The following GINS2 variants were observed in gnomAD, a reference collection of about 807,000 sequenced individuals.
GINS2 encodes DNA replication complex GINS protein PSF2.
GINS2 carries 23 observed loss-of-function variants against 21.2 expected under a neutral mutation model. That is an observed-to-expected ratio of 1.08 (90% CI 0.78 to 1.53). The LOEUF is 1.53. GINS2 is among the 40% of genes most tolerant of loss of function. The probability of loss-of-function intolerance (pLI) is 0.00; values close to 1 mark genes in which losing one functional copy is unlikely to be tolerated. For synonymous variants in GINS2, 118 were observed against 85.6 expected, an observed-to-expected ratio of 1.38 and a Z score of -2.09; for missense variants, 323 against 233.9, an observed-to-expected ratio of 1.38 and a Z score of -2.49.
chr16:85,681,946 G>C (rs970198552), intron 2 of GINS2, among the ~76,000 whole-genome samples: 7 of 147,904 alleles, frequency 4.7e-5, no homozygotes, highest in Admixed American at 2.7e-4. Flanking sequence ...AGAGTCAAAA[G>C]TTTGATGTTT....
intron 2 of GINS2, among the ~76,000 whole-genome samples, chr16:85,686,093 CTTTGA>C (rs1209364257): frequency 3.9e-5 from 6 of 152,094 alleles, no homozygotes; most frequent in East Asian, 3.8e-4. Flanking sequence ...CTGTCTGCAT[CTTTGA>C]TTTGTTTCAG....
Position 85,688,923 on chromosome 16 carries a change from C to T in GINS2, c.-25G>A, listed in dbSNP as rs1384517100. On this transcript the variant is annotated 5_prime_UTR_variant, in exon 1 of 5. Transcript: ENST00000253462. ...TGGCGGCGCGAGCTGCAGGCCAGAG[C>T]CTCACGGTCTCCTCGGGCCCCTCAG... is the stretch of plus-strand genomic sequence containing the variant. 6 of 1,504,908 alleles carry T rather than the reference C, an allele frequency of 4.0e-6. No homozygotes were observed. The highest frequency in any genetic ancestry group is 5.4e-6 in the Non-Finnish European group (6 of 1,114,006). 93.2% of individuals were successfully genotyped at this position (1,504,908 alleles called of 1,614,324 possible). A position where few individuals can be genotyped will look rare whatever the true frequency, so the allele number is the denominator to read the frequency against.
rs117581232 is a variant in GINS2 at position 85,682,274 on chromosome 16, C to G, written c.206-593G>C. Among the ~76,000 whole-genome samples the G allele has an allele frequency of 1.1e-3, 163 of 152,184 alleles. 2 individuals carry two copies. The East Asian group carries it at 0.017, about 16-fold the overall frequency. Reference sequence around the variant, plus strand: ...AAGTGATCGCCCTGCCTCAGCTTCTCGAAGTGCTGGGATTATAGGAGTGAG... The same window carrying G: ...AAGTGATCGCCCTGCCTCAGCTTCTGGAAGTGCTGGGATTATAGGAGTGAG... On this transcript the variant is annotated intron_variant, in intron 2 of 4. Coordinates refer to ENST00000253462, the MANE Select transcript of GINS2 (RefSeq NM_016095.3).
rs1036477013 is a variant in GINS2 at position 85,677,108 on chromosome 16, T to G, written c.*1104A>C. The G allele has an allele frequency of 3.3e-5, 5 of 152,064 alleles. No individual in the cohort carries two copies. Among genetic ancestry groups the G allele is most frequent in the African/African-American group, 1.2e-4 (5 of 41,396 alleles). The allele number at this position is 152,064 out of a possible 1,614,324, so 9.4% of individuals were successfully genotyped here. A position where few individuals can be genotyped will look rare whatever the true frequency, so the allele number is the denominator to read the frequency against. On this transcript the variant is annotated 3_prime_UTR_variant, in exon 5 of 5. Coordinates refer to ENST00000253462, the MANE Select transcript of GINS2 (RefSeq NM_016095.3). Reference sequence around the variant, plus strand: ...GGATAGTCTCAATCTCCTGGCCTTGTGATCCACCTGCCTTGGCCTCCCAAA... The same window carrying G: ...GGATAGTCTCAATCTCCTGGCCTTGGGATCCACCTGCCTTGGCCTCCCAAA...
rs375105940 is a variant in GINS2 at position 85,678,606 on chromosome 16, G to T, written c.366C>A (p.Asp122Glu). Residue 122 changes from aspartate to glutamate, a missense_variant, in exon 4 of 5, where the codon GAC (aspartate) becomes GAA (glutamate). Transcript: ENST00000253462. ...EIRTLVKDMWDTRIAKLRVSA... is the reference protein window; with the variant it reads ...EIRTLVKDMWETRIAKLRVSA... The stretch of plus-strand genomic sequence containing the variant: ...ACACTCGGAGTTTGGCTATACGAGT[G>T]TCCCACATATCCTTGACCAGGGTCC... 1 of 1,613,904 alleles carries T rather than the reference G, an allele frequency of 6.2e-7. No homozygotes were observed. Among genetic ancestry groups the T allele is most frequent in the Non-Finnish European group, 8.5e-7 (1 of 1,179,884 alleles).
intron 2 of GINS2, among the ~76,000 whole-genome samples, chr16:85,682,661 G>A (rs576978106): frequency 1.3e-5 from 2 of 152,100 alleles, no homozygotes; most frequent in African/African-American, 4.8e-5. Flanking sequence ...ATCCTAGAGG[G>A]GTGAAAGCCC....
chr16:85,677,931 G>T lies in GINS2; in HGVS notation c.*281C>A. 3.0e-6 allele frequency: 1 copy of T among 332,166 alleles called. No homozygotes were observed. Among genetic ancestry groups the T allele is most frequent in the Non-Finnish European group, 5.6e-6 (1 of 178,382 alleles). 20.6% of individuals were successfully genotyped at this position (332,166 alleles called of 1,614,324 possible). ...GCAGGAGACCCAAGTGGCTCTGCTA[G>T]GGAGAATGACTTATTTACCTAAGGC... On this transcript the variant is annotated 3_prime_UTR_variant, in exon 5 of 5. Transcript: ENST00000253462.
chr16:85,679,660 A>C (rs896030144), intron 3 of GINS2, among the ~76,000 whole-genome samples: 3 of 152,232 alleles, frequency 2.0e-5, no homozygotes, highest in African/African-American at 7.2e-5. Flanking sequence ...ATGAATTATA[A>C]AACAAGGTTT....
chr16:85,687,414 A>G, intron 2 of GINS2, 46 bp downstream of exon 2: 1 of 1,202,628 alleles, frequency 8.3e-7, no homozygotes, highest in Non-Finnish European at 1.2e-6. Flanking sequence ...CGTCACCCCA[A>G]GCCCAGCCCC....
In GINS2 at chr16:85,678,696, G is replaced by C; in HGVS notation, c.306-30C>G. ...AGGAGCAAGGGCTAAAGTCAGTCGG[G>C]GAACACTTGATAACCTGAGGCAATG... is the stretch of plus-strand genomic sequence containing the variant. On this transcript the variant is annotated intron_variant, in intron 3 of 4. Transcript: ENST00000253462. 2.5e-6 allele frequency: 4 copies of C among 1,605,802 alleles called. No homozygotes were observed. The South Asian group carries it at 3.3e-5, about 13-fold the overall frequency.
intron 2 of GINS2, among the ~76,000 whole-genome samples, chr16:85,686,298 G>T (rs2152052856): frequency 6.6e-6 from 1 of 152,164 alleles, no homozygotes; most frequent in African/African-American, 2.4e-5. Context: ...GGCGCCTGTA[G>T]TCCCAGCTAC....
chr16:85,678,053 TC>T lies in GINS2; in HGVS notation c.*158del, dbSNP rs1412831372. The stretch of plus-strand genomic sequence containing the variant: ...CAGGGAGCTAAGTTTTAAGGACTAA[TC>T]ACAAACTTGTTTCTCCAACAACATC... On this transcript the variant is annotated 3_prime_UTR_variant, in exon 5 of 5. Transcript: ENST00000253462. 6.0e-6 allele frequency: 4 copies of T among 666,958 alleles called. No homozygotes were observed. Among genetic ancestry groups the T allele is most frequent in the Non-Finnish European group, 1.0e-5 (4 of 385,890 alleles). The allele number at this position is 666,958 out of a possible 1,614,324, so 41.3% of individuals were successfully genotyped here. A position where few individuals can be genotyped will look rare whatever the true frequency, so the allele number is the denominator to read the frequency against.
At chr16:85,679,922 ATC>A (rs2152051060) in intron 3 of GINS2, among the ~76,000 whole-genome samples, 1 of 152,020 alleles carries the variant, frequency 6.6e-6, no homozygotes, top group African/African-American at 2.4e-5. Flanking sequence ...ATCCTCAAAT[ATC>A]TCTGCTTGCC....
chr16:85,688,839 GT>G lies in GINS2; in HGVS notation c.59del (p.Asn20ThrfsTer33). On this transcript the variant is annotated frameshift_variant, in exon 1 of 5. Coordinates refer to ENST00000253462, the MANE Select transcript of GINS2 (RefSeq NM_016095.3). LOFTEE classifies it high-confidence loss of function. ...TGAGGTAGATCTTGTCCAGACTGAA[GT>G]TGGGGATAATGGTAACCAGCTCCTT... ...AEKELVTIIP[N>X]FSLDKIYLIG... 3.9e-6 allele frequency: 6 copies of G among 1,545,478 alleles called. No individual in the cohort carries two copies. The highest frequency in any genetic ancestry group is 5.2e-6 in the Non-Finnish European group (6 of 1,144,058).
Position 85,687,566 on chromosome 16 carries a change from C to A in GINS2, c.99G>T (p.Leu33=), listed in dbSNP as rs754566627. ...CGGGTAAACCAGGGTTAAAAGGCCC[C>A]AGGTCCCCCTGCCAAAAGTAAAACA... The part of the protein sequence containing the change: ...LDKIYLIGGD[L]GPFNPGLPVE... The change falls in exon 2 of 5, where the codon CTG becomes CTT. Residue 33 remains leucine, a synonymous_variant. Transcript: ENST00000253462. The A allele has an allele frequency of 5.0e-5, 78 of 1,553,060 alleles. No homozygotes were observed. Among genetic ancestry groups the A allele is most frequent in the Non-Finnish European group, 6.6e-5 (76 of 1,154,262 alleles).
rs1054514711 is a variant in GINS2 at position 85,676,381 on chromosome 16, CAGG to C, written c.*1828_*1830del. The C allele has an allele frequency of 1.5e-4, 23 of 152,334 alleles. No homozygotes were observed. The highest frequency in any genetic ancestry group is 5.3e-4 in the African/African-American group (22 of 41,556). The allele number at this position is 152,334 out of a possible 1,614,324, so 9.4% of individuals were successfully genotyped here. On this transcript the variant is annotated 3_prime_UTR_variant, in exon 5 of 5. Transcript: ENST00000253462. Reference sequence around the variant, plus strand: ...ATTCTAAAAGATCCCCAGATGAAAGCAGGAGGATTCCAAGGAAGGCTGAGATGA... The same window carrying C: ...ATTCTAAAAGATCCCCAGATGAAAGCAGGATTCCAAGGAAGGCTGAGATGA...
intron 2 of GINS2, among the ~76,000 whole-genome samples, chr16:85,683,193 G>A (rs1265857175): frequency 6.6e-6 from 1 of 151,982 alleles, no homozygotes; most frequent in African/African-American, 2.4e-5. Flanking sequence ...GGCCCTCCGT[G>A]AACACCCCTC....
intron 2 of GINS2, among the ~76,000 whole-genome samples, chr16:85,682,627 AC>A: frequency 6.6e-6 from 1 of 152,102 alleles, no homozygotes; most frequent in South Asian, 2.1e-4. Context: ...GGGCTAAGCC[AC>A]CCCAGCCGGG....
chr16:85,688,753 G>C, intron 1 of GINS2, 56 bp downstream of exon 1: 1 of 1,129,346 alleles, frequency 8.9e-7, no homozygotes, highest in Non-Finnish European at 1.2e-6. Flanking sequence ...GGCCACGCGG[G>C]AGCCCCGGAC....
Sources: allele counts gnomAD v4.1 joint callset (sites outside exome capture counted in the v4.1 genomes callset), GRCh38; gene constraint gnomAD v4.1.1; transcripts MANE v1.5; gene names NCBI Gene and HGNC (gene_info 2026-07-23, HGNC 2026-07-21).